DPP6: variants seen among roughly 807,000 people sequenced by gnomAD.
The protein encoded by DPP6 is A-type potassium channel modulatory protein DPP6.
In DPP6, 69 loss-of-function variants were observed where a neutral mutation model predicts 122.6. The observed-to-expected ratio is 0.56, with a 90% CI of 0.46 to 0.69. The LOEUF (loss-of-function observed/expected upper bound fraction) is 0.69, where lower values mean the gene tolerates loss of function less well. DPP6 is among the 30% of genes least tolerant of loss of function. DPP6 has a pLI of 0.00. For missense variants in DPP6, 928 were observed against 1,116.9 expected (o/e 0.83, Z 2.41); for synonymous variants, 418 against 433.1 (o/e 0.97, Z 0.43).
rs1213715343 is a variant in DPP6 at position 154,402,074 on chromosome 7, C to T, written c.244-44140C>T. On this transcript the variant is annotated intron_variant, in intron 1 of 25. Coordinates refer to ENST00000377770, the MANE Select transcript of DPP6 (RefSeq NM_130797.4). ...TGCCATCTCACACCAGTTAGAATGG[C>T]AATCATTAAAAAGTCAGGAAACAAC... 4.0e-5 allele frequency among the ~76,000 whole-genome samples: 6 copies of T among 151,746 alleles called. No individual in the cohort carries two copies. The East Asian group carries it at 1.2e-3, about 29-fold the overall frequency.
chr7:154,856,822 G>A (rs1405043215), intron 17 of DPP6, among the ~76,000 whole-genome samples: 1 of 152,194 alleles, frequency 6.6e-6, no homozygotes, highest in Non-Finnish European at 1.5e-5. Flanking sequence ...CAAAGAGATG[G>A]GACCCAGCGG....
intron 7 of DPP6, among the ~76,000 whole-genome samples, chr7:154,686,391 T>G (rs1384628119): frequency 6.6e-6 from 1 of 150,862 alleles, no homozygotes; most frequent in Admixed American, 6.7e-5. Flanking sequence ...TATTTGTATA[T>G]TTGTATTCAA....
chr7:154,807,777 G>T (rs974569713), intron 16 of DPP6, among the ~76,000 whole-genome samples: 6 of 152,044 alleles, frequency 3.9e-5, no homozygotes, highest in African/African-American at 1.4e-4. Flanking sequence ...AGCTGAGATC[G>T]CACCACTACA....
intron 5 of DPP6, among the ~76,000 whole-genome samples, chr7:154,583,641 C>T (rs946403615): frequency 6.6e-6 from 1 of 152,218 alleles, no homozygotes; most frequent in Non-Finnish European, 1.5e-5. Context: ...ACTCGGGACC[C>T]AGCCCACACC....
intron 4 of DPP6, among the ~76,000 whole-genome samples, chr7:154,560,708 C>T (rs1000246695): frequency 1.3e-5 from 2 of 151,980 alleles, no homozygotes; most frequent in African/African-American, 4.8e-5. Context: ...CATTGTGAAA[C>T]CACATCTCTG....
At chr7:154,446,023 G>A (rs1196118183) in intron 1 of DPP6, among the ~76,000 whole-genome samples, 191 bp from the exon 2 acceptor site, 1 of 152,200 alleles carries the variant, frequency 6.6e-6, no homozygotes, top group Non-Finnish European at 1.5e-5. Context: ...GACAGCCGAA[G>A]GCTTTGGGCC....
At chr7:154,063,116 GGGGGGGAGGCACCCCCCA>G (rs1802264995) in intron 1 of DPP6, among the ~76,000 whole-genome samples, 1 of 117,116 alleles carries the variant, frequency 8.5e-6, no homozygotes, top group Admixed American at 8.8e-5. Flanking sequence ...CCCCATCGCA[GGGGGGGAGGCACCCCCCA>G]CGAGAGTGGG....
chr7:153,958,828 C>A (rs571423447), intron 1 of DPP6, among the ~76,000 whole-genome samples: 10 of 151,860 alleles, frequency 6.6e-5, no homozygotes, highest in African/African-American at 2.4e-4. Flanking sequence ...CCTTCTGTTC[C>A]TTCAGGGCCT....
chr7:153,857,322 T>TTCCCTCTCTCTC, the DPP6 span, among the ~76,000 whole-genome samples: 1 of 124,390 alleles, frequency 8.0e-6, no homozygotes, highest in Non-Finnish European at 1.7e-5. Context: ...CTCAAAGGTT[T>TTCCCTCTCTCTC]TCTCTCTCTC....
chr7:154,724,549 AC>A (rs1331765398), intron 7 of DPP6, among the ~76,000 whole-genome samples: 3 of 151,846 alleles, frequency 2.0e-5, no homozygotes, highest in Non-Finnish European at 1.5e-5. Flanking sequence ...TCTTCAGGAG[AC>A]TTGAGTGTAA....
intron 1 of DPP6, among the ~76,000 whole-genome samples, chr7:154,248,892 G>T (rs1403478231): frequency 6.6e-6 from 1 of 152,016 alleles, no homozygotes; most frequent in Admixed American, 6.6e-5. Flanking sequence ...AAAAGGCATT[G>T]AACTGTACAT....
intron 3 of DPP6, among the ~76,000 whole-genome samples, chr7:154,523,510 T>C (rs1178155050): frequency 6.6e-6 from 1 of 152,222 alleles, no homozygotes. Context: ...TCCCCAAATA[T>C]CATTACATTC....
the DPP6 span, among the ~76,000 whole-genome samples, chr7:153,782,779 C>T: frequency 6.6e-6 from 1 of 152,262 alleles, no homozygotes; most frequent in South Asian, 2.1e-4. Context: ...GATAGATTCA[C>T]CTCTTGCCCT....
chr7:154,261,583 G>A (rs1382465512), intron 1 of DPP6, among the ~76,000 whole-genome samples: 1 of 152,092 alleles, frequency 6.6e-6, no homozygotes, highest in Non-Finnish European at 1.5e-5. Context: ...AAAAGGTAAG[G>A]TCAGCAGAAT....
chr7:154,678,435 C>T (rs181280268), intron 7 of DPP6, among the ~76,000 whole-genome samples: 5 of 152,222 alleles, frequency 3.3e-5, no homozygotes, highest in African/African-American at 9.6e-5. Flanking sequence ...ACTCTGGGCG[C>T]GCCACCTTTA....
chr7:154,420,692 T>C (rs1033089193), intron 1 of DPP6, among the ~76,000 whole-genome samples: 20 of 152,084 alleles, frequency 1.3e-4, no homozygotes, highest in African/African-American at 4.3e-4. Context: ...GCTAAAAGAG[T>C]AGATTTTAAA....
At chr7:154,544,843 A>T (rs1204023143) in intron 4 of DPP6, among the ~76,000 whole-genome samples, 1 of 152,092 alleles carries the variant, frequency 6.6e-6, no homozygotes, top group African/African-American at 2.4e-5. Context: ...AGGCAGGAGG[A>T]GTGGGTTGGT....
chr7:153,791,420 C>CTTCCTTTT, the DPP6 span, among the ~76,000 whole-genome samples: 6 of 24,234 alleles, frequency 2.5e-4, no homozygotes, highest in African/African-American at 1.2e-4. Context: ...TCCTTCCTTC[C>CTTCCTTTT]TTTCTTTTTT....
At chr7:154,013,883 A>C (rs1360736558) in intron 1 of DPP6, among the ~76,000 whole-genome samples, 1 of 151,322 alleles carries the variant, frequency 6.6e-6, no homozygotes, top group Non-Finnish European at 1.5e-5. Context: ...CTGAGCCTCC[A>C]TCAGATCCCG....
Sources: gnomAD v4.1 joint callset for allele counts (sites outside exome capture counted in the v4.1 genomes callset) on GRCh38, gnomAD v4.1.1 for gene constraint, MANE v1.5 for transcripts, NCBI Gene and HGNC (gene_info 2026-07-23, HGNC 2026-07-21) for gene names.